The following NVL variants were observed in gnomAD, a reference collection of about 807,000 sequenced individuals.
NVL encodes nuclear valosin-containing protein-like.
In NVL, 84 loss-of-function variants were observed where a neutral mutation model predicts 110.2. The ratio of observed to expected loss-of-function variants is 0.76; its 90% confidence interval spans 0.64 to 0.91. The LOEUF is 0.91. Among genes scored for constraint, NVL ranks in the 40% least tolerant of loss-of-function variants. The pLI is 0.00. For synonymous variants in NVL, 354 were observed against 361.1 expected (o/e 0.98, Z 0.22); for missense variants, 882 against 1,035.9 (o/e 0.85, Z 2.04).
At chr1:224,249,058 A>T (rs2102753048) in intron 19 of NVL, among the ~76,000 whole-genome samples, 1 of 152,350 alleles carries the variant, frequency 6.6e-6, no homozygotes, top group Middle Eastern at 3.4e-3. Flanking sequence ...AAATGTAGAA[A>T]CAAAGCACTT....
chr1:224,327,880 C>A (rs1671290158), intron 1 of NVL, among the ~76,000 whole-genome samples: 2 of 151,774 alleles, frequency 1.3e-5, no homozygotes, highest in South Asian at 4.2e-4. Flanking sequence ...TTCAGAGTGA[C>A]TGAACAACGA....
intron 18 of NVL, among the ~76,000 whole-genome samples, chr1:224,254,572 GTTTTTTTTT>G (rs71168400): frequency 2.2e-5 from 3 of 134,242 alleles, no homozygotes; most frequent in African/African-American, 8.2e-5. Flanking sequence ...TGTTTTTTTT[GTTTTTTTTT>G]TTTTTGTATT....
rs868219930 is a variant in NVL, at chr1:224,322,234, G to A, written c.131+4157C>T. 1.4e-4 allele frequency among the ~76,000 whole-genome samples: 21 copies of A among 149,228 alleles called. 1 individual carries two copies. The Middle Eastern group carries it at 0.017, about 123-fold the overall frequency. ...TAGCTAAGACAGACTACAGGTGCAT[G>A]CCACGCTAATTTTTTTTTTTTTTTT... On this transcript the variant is annotated intron_variant, in intron 2 of 22. Coordinates refer to ENST00000281701, the MANE Select transcript of NVL (RefSeq NM_002533.4).
rs375558115 is a variant in NVL, at chr1:224,321,858, T to C, written c.132-3928A>G. ...TAGGGAAAGGAGAGAACAGGCATCA[T>C]GAAATATTTAAGAGACCACAGCAAG... is the stretch of plus-strand genomic sequence containing the variant. On this transcript the variant is annotated intron_variant, in intron 2 of 22. Coordinates refer to ENST00000281701, the MANE Select transcript of NVL (RefSeq NM_002533.4). Among the ~76,000 whole-genome samples, 23 of 151,818 alleles carry C rather than the reference T, an allele frequency of 1.5e-4. No individual in the cohort carries two copies. The South Asian group carries it at 2.3e-3, about 15-fold the overall frequency.
At chr1:224,268,204 AAAT>A (rs1664692609) in intron 17 of NVL, 71 bp from the exon 18 acceptor site, 2 of 1,054,562 alleles carry the variant, frequency 1.9e-6, no homozygotes, top group Admixed American at 4.1e-5. Flanking sequence ...TTCCACATAA[AAAT>A]AATACATTTC....
At chr1:224,298,251 T>C in intron 10 of NVL, 1 of 257,464 alleles carries the variant, frequency 3.9e-6, no homozygotes, top group Non-Finnish European at 7.5e-6. Flanking sequence ...ACTGTAGACA[T>C]CAAGGGAATG....
chr1:224,287,778 T>C lies in NVL; in HGVS notation c.1791A>G (p.Ile597Met), dbSNP rs1283647706. 6.2e-7 allele frequency: 1 copy of C among 1,613,562 alleles called. No individual in the cohort carries two copies. Among genetic ancestry groups the C allele is most frequent in the Non-Finnish European group, 8.5e-7 (1 of 1,179,488 alleles). The part of the protein sequence containing the change: ...EDIREELTMA[I>M]LAPVRNPDQF... Reference sequence around the variant, plus strand: ...ATTTGGCAGCTGATATACCTACCAATATTGCCATGGTGAGCTCCTCTCTAA... The same window carrying C: ...ATTTGGCAGCTGATATACCTACCAACATTGCCATGGTGAGCTCCTCTCTAA... Residue 597 changes from isoleucine (I) to methionine (M), a missense_variant, in exon 14 of 23, where the codon ATA (isoleucine) becomes ATG (methionine). Ile to Met is a conservative substitution (Grantham distance 10, BLOSUM62 1). Coordinates refer to ENST00000281701, the MANE Select transcript of NVL (RefSeq NM_002533.4).
intron 19 of NVL, 50 bp downstream of exon 19, chr1:224,250,162 A>G (rs1430303275): frequency 1.3e-6 from 2 of 1,577,876 alleles, no homozygotes; most frequent in Admixed American, 3.7e-5. Flanking sequence ...AACTGTCTCT[A>G]TTTAAAACAA....
chr1:224,277,858 T>C (rs1247124383), intron 16 of NVL, among the ~76,000 whole-genome samples: 1 of 152,146 alleles, frequency 6.6e-6, no homozygotes, highest in African/African-American at 2.4e-5. Flanking sequence ...GTTGAAAAAC[T>C]CATCTTCCCT....
Position 224,294,334 on chromosome 1 carries a change from A to C in NVL, c.1258T>G (p.Leu420Val). 6.2e-7 allele frequency: 1 copy of C among 1,614,150 alleles called. No individual in the cohort carries two copies. Among genetic ancestry groups the C allele is most frequent in the African/African-American group, 1.3e-5 (1 of 75,032 alleles). ...CGGTCGAACCTTCCCGCACGTCTCA[A>C]AGCAGGGTCTAACGAGTCTGGTCGA... is the stretch of plus-strand genomic sequence containing the variant. ...TNRPDSLDPALRRAGRFDREI... is the reference protein window; with the variant it reads ...TNRPDSLDPAVRRAGRFDREI... Residue 420 changes from leucine (L) to valine (V), a missense_variant, in exon 12 of 23, where the codon TTG becomes GTG. This residue lies in a region of NVL where 416 missense variants were observed against 499.3 expected (regional missense o/e 0.83). Transcript: ENST00000281701.
Position 224,299,383 on chromosome 1 carries a change from A to C in NVL, c.1062+1179T>G, listed in dbSNP as rs189021812. ...AAAGCATAGTTTTCAACCAAGTATC[A>C]CTTGATTGGATTTCACCTTTTTGTT... On this transcript the variant is annotated intron_variant, in intron 10 of 22. Transcript: ENST00000281701. 3.3e-5 allele frequency among the ~76,000 whole-genome samples: 5 copies of C among 152,312 alleles called. No homozygotes were observed. The East Asian group carries it at 9.6e-4, about 29-fold the overall frequency.
In NVL at chr1:224,233,240, T is replaced by C. The variant is rs140573935; in HGVS notation, c.2416A>G (p.Arg806Gly). Residue 806 changes from arginine to glycine, a missense_variant, in exon 21 of 23, where the codon AGA (arginine) becomes GGA (glycine). Transcript: ENST00000281701. ...CTCTTCTGTCTTGCCATTTCCTGTC[T>C]CAGGGCACAGATAGAAGCTTCTCGT... is the stretch of plus-strand genomic sequence containing the variant. ...LVREASICALRQEMARQKSGN... is the reference protein window; with the variant it reads ...LVREASICALGQEMARQKSGN... The C allele has an allele frequency of 3.7e-6, 6 of 1,613,396 alleles. No homozygotes were observed. In the African/African-American group the frequency reaches 6.7e-5, roughly 18 times the overall value.
chr1:224,320,724 T>G lies in NVL; in HGVS notation c.132-2794A>C, dbSNP rs568736991. On this transcript the variant is annotated intron_variant, in intron 2 of 22. Coordinates refer to ENST00000281701, the MANE Select transcript of NVL (RefSeq NM_002533.4). Reference sequence around the variant, plus strand: ...GAAGTGTAGTTGTGCAATCAGAGCTTGCCACAACCTCAACCTCCTGGTCTC... The same window carrying G: ...GAAGTGTAGTTGTGCAATCAGAGCTGGCCACAACCTCAACCTCCTGGTCTC... Among the ~76,000 whole-genome samples the G allele has an allele frequency of 3.5e-3, 535 of 152,186 alleles. 4 individuals are homozygous for G. The highest frequency in any genetic ancestry group is 0.012 in the African/African-American group (500 of 41,522).
At chr1:224,323,417 G>C (rs1483183302) in intron 2 of NVL, among the ~76,000 whole-genome samples, 1 of 152,176 alleles carries the variant, frequency 6.6e-6, no homozygotes, top group Non-Finnish European at 1.5e-5. Context: ...AGAACATCAA[G>C]GGTGTGGGGG....
intron 16 of NVL, 123 bp downstream of exon 16, chr1:224,281,000 C>T (rs1666252630): frequency 4.7e-6 from 4 of 854,090 alleles, no homozygotes; most frequent in South Asian, 4.4e-5. Flanking sequence ...CTCACTCCTA[C>T]AGCACTGATT....
chr1:224,243,663 C>T (rs941318986), intron 19 of NVL, among the ~76,000 whole-genome samples: 6 of 136,732 alleles, frequency 4.4e-5, no homozygotes, highest in African/African-American at 5.4e-5. Flanking sequence ...TTAAGTCATA[C>T]TTTTTTTTTT....
intron 12 of NVL, among the ~76,000 whole-genome samples, chr1:224,293,642 C>T (rs1229977367): frequency 6.6e-6 from 1 of 152,176 alleles, no homozygotes; most frequent in Non-Finnish European, 1.5e-5. Context: ...ATAAGTGGAC[C>T]AGATGGCTGC....
At chr1:224,325,307 C>CA (rs1671039464) in intron 2 of NVL, among the ~76,000 whole-genome samples, 1 of 151,144 alleles carries the variant, frequency 6.6e-6, no homozygotes, top group Non-Finnish European at 1.5e-5. Context: ...CATGGTGGCT[C>CA]ATGCGTGTCA....
At chr1:224,296,383 CT>C (rs530746363) in intron 11 of NVL, 117 bp downstream of exon 11, 766 of 560,950 alleles carry the variant, frequency 1.4e-3, no homozygotes, top group Middle Eastern at 3.5e-3. Flanking sequence ...CCCAGTATGA[CT>C]TTTTTTTTAC....
Sources: allele counts gnomAD v4.1 joint callset (sites outside exome capture counted in the v4.1 genomes callset), GRCh38; gene constraint gnomAD v4.1.1; regional missense constraint gnomAD v4.1.1; transcripts MANE v1.5; gene names NCBI Gene and HGNC (gene_info 2026-07-23, HGNC 2026-07-21).